VSTM4: variants seen among roughly 807,000 people sequenced by gnomAD.
VSTM4 encodes the protein V-set and transmembrane domain containing 4, also known as V-set and transmembrane domain-containing protein 4.
A neutral mutation model predicts 36.4 loss-of-function variants in VSTM4; 20 were observed. The ratio of observed to expected loss-of-function variants is 0.55; its 90% CI spans 0.39 to 0.80. The LOEUF (loss-of-function observed/expected upper bound fraction) is 0.80, where lower values mean the gene tolerates loss of function less well. Ranked by LOEUF, VSTM4 falls within the 30% of genes least tolerant of loss-of-function variation. The pLI is 0.00. For missense variants in VSTM4, 392 were observed against 404.5 expected, an observed-to-expected ratio of 0.97 and a Z score of 0.26; for synonymous variants, 182 against 173.9, an observed-to-expected ratio of 1.05 and a Z score of -0.37.
At chr10:49,030,731 A>G (rs1207045498) in intron 7 of VSTM4, among the ~76,000 whole-genome samples, 2 of 152,224 alleles carry the variant, frequency 1.3e-5, no homozygotes, top group African/African-American at 4.8e-5. Flanking sequence ...ACAGAAAGTC[A>G]CCACCTAACT....
At chr10:49,053,775 T>C (rs1843734022) in intron 5 of VSTM4, among the ~76,000 whole-genome samples, 1 of 152,150 alleles carries the variant, frequency 6.6e-6, no homozygotes, top group African/African-American at 2.4e-5. Flanking sequence ...CCCAGGATAT[T>C]ACAGCATGAC....
chr10:49,015,610 C>T lies in VSTM4; in HGVS notation c.*4040G>A, dbSNP rs991042807. On this transcript the variant is annotated 3_prime_UTR_variant, in exon 8 of 8. Transcript: ENST00000332853. ...TTCCTTCCTGATGAACAGTTTCTAT[C>T]CTATGTATGGAGATGGGAGTGTGGT... 6 of 152,208 alleles carry T rather than the reference C, an allele frequency of 3.9e-5. No homozygotes were observed. Among genetic ancestry groups the T allele is most frequent in the Admixed American group, 3.3e-4 (5 of 15,282 alleles). The allele number at this position is 152,208 out of a possible 1,614,324, so 9.4% of individuals were successfully genotyped here.
intron 7 of VSTM4, among the ~76,000 whole-genome samples, chr10:49,025,045 G>A (rs990043699): frequency 1.3e-5 from 2 of 152,002 alleles, no homozygotes; most frequent in African/African-American, 4.8e-5. Flanking sequence ...CACACACAGA[G>A]TCAAGACCAC....
intron 5 of VSTM4, among the ~76,000 whole-genome samples, chr10:49,057,565 T>C (rs1046480897): frequency 1.3e-5 from 2 of 152,196 alleles, no homozygotes; most frequent in Non-Finnish European, 2.9e-5. Context: ...AGGTGCATAT[T>C]CTTTATGCCA....
intron 5 of VSTM4, among the ~76,000 whole-genome samples, chr10:49,051,367 T>A (rs970369787): frequency 1.3e-5 from 2 of 151,900 alleles, no homozygotes; most frequent in African/African-American, 4.8e-5. Flanking sequence ...CTCCGTGACT[T>A]CTCATGGCTT....
intron 7 of VSTM4, among the ~76,000 whole-genome samples, chr10:49,022,542 T>C (rs922278285): frequency 2.7e-4 from 41 of 152,124 alleles, no homozygotes; most frequent in Admixed American, 6.5e-5. Flanking sequence ...TGTCTAGCAA[T>C]TTTTCAATTT....
At chr10:49,021,590 G>A (rs1843182795) in intron 7 of VSTM4, among the ~76,000 whole-genome samples, 1 of 152,030 alleles carries the variant, frequency 6.6e-6, no homozygotes, top group Admixed American at 6.5e-5. Context: ...AAAAATGCAA[G>A]CATCTCGGAC....
chr10:49,014,406 G>A lies in VSTM4; in HGVS notation c.*5244C>T, dbSNP rs1393150609. The A allele has an allele frequency of 6.6e-6, 1 of 152,108 alleles. No homozygotes were observed. The highest frequency in any genetic ancestry group is 2.4e-5 in the African/African-American group (1 of 41,412). 9.4% of individuals were successfully genotyped at this position (152,108 alleles called of 1,614,324 possible). A position where few individuals can be genotyped will look rare whatever the true frequency, so the allele number is the denominator to read the frequency against. ...ATAGCATTGTGTTTATTAGAAATTG[G>A]GCACCAAGTCGTCTTTCACCAGTGA... On this transcript the variant is annotated 3_prime_UTR_variant, in exon 8 of 8. Coordinates refer to ENST00000332853, the MANE Select transcript of VSTM4 (RefSeq NM_001031746.5).
intron 5 of VSTM4, among the ~76,000 whole-genome samples, chr10:49,061,475 G>A (rs78319468): frequency 6.6e-5 from 10 of 152,212 alleles, no homozygotes; most frequent in Non-Finnish European, 1.3e-4. Context: ...TAGATGAGGG[G>A]GAGGAATTGA....
chr10:49,096,622 C>CATGTGT (rs745342298), intron 2 of VSTM4, among the ~76,000 whole-genome samples: 1 of 122,578 alleles, frequency 8.2e-6, no homozygotes, highest in African/African-American at 3.5e-5. Flanking sequence ...CATTGAAGAC[C>CATGTGT]GTGTGTGTGT....
chr10:49,056,847 T>A (rs901086381), intron 5 of VSTM4, among the ~76,000 whole-genome samples: 4 of 152,196 alleles, frequency 2.6e-5, no homozygotes, highest in Admixed American at 1.3e-4. Context: ...TGAGACTGGG[T>A]AATTTATCAA....
chr10:49,104,627 C>T (rs1215726473), intron 2 of VSTM4, among the ~76,000 whole-genome samples: 2 of 152,224 alleles, frequency 1.3e-5, no homozygotes, highest in Non-Finnish European at 2.9e-5. Context: ...TTGAATCTTT[C>T]CATCAGCAAA....
chr10:49,074,040 G>A (rs569521318), intron 4 of VSTM4, among the ~76,000 whole-genome samples: 9 of 152,184 alleles, frequency 5.9e-5, no homozygotes, highest in Non-Finnish European at 1.0e-4. Flanking sequence ...GCCCATCTGT[G>A]TCTGTCTATG....
intron 5 of VSTM4, among the ~76,000 whole-genome samples, chr10:49,062,639 C>G (rs1256838075): frequency 6.6e-6 from 1 of 152,102 alleles, no homozygotes; most frequent in Non-Finnish European, 1.5e-5. Context: ...AGGGCTTTGT[C>G]TTTTGCCAAA....
intron 7 of VSTM4, among the ~76,000 whole-genome samples, chr10:49,042,807 A>C (rs1426824173): frequency 1.3e-5 from 2 of 152,228 alleles, no homozygotes; most frequent in Non-Finnish European, 2.9e-5. Flanking sequence ...GCCTGGTAGA[A>C]GAGATGGATG....
intron 5 of VSTM4, among the ~76,000 whole-genome samples, chr10:49,060,457 A>T (rs770871283): frequency 5.9e-5 from 9 of 152,210 alleles, no homozygotes; most frequent in Non-Finnish European, 1.0e-4. Context: ...AGGTAATGAC[A>T]CTGAACATCT....
Position 49,019,380 on chromosome 10 carries a change from C to T in VSTM4, c.*270G>A, listed in dbSNP as rs1843146021. 4 of 296,830 alleles carry T rather than the reference C, an allele frequency of 1.3e-5. No homozygotes were observed. In the East Asian group the frequency reaches 1.7e-4, roughly 13 times the overall value. 18.4% of individuals were successfully genotyped at this position (296,830 alleles called of 1,614,324 possible). On this transcript the variant is annotated 3_prime_UTR_variant, in exon 8 of 8. Transcript: ENST00000332853. Reference sequence around the variant, plus strand: ...AGGGGTTTGGCTCAGCAGAAAATCTCCTTGGCTGCTCTCAGGATCAGAATC... The same window carrying T: ...AGGGGTTTGGCTCAGCAGAAAATCTTCTTGGCTGCTCTCAGGATCAGAATC...
intron 1 of VSTM4, among the ~76,000 whole-genome samples, chr10:49,114,146 C>T (rs1330560118): frequency 2.6e-5 from 4 of 152,064 alleles, no homozygotes; most frequent in Non-Finnish European, 4.4e-5. Context: ...TTTTTCCAGC[C>T]GAGACAGTGA....
At chr10:49,112,926 A>G (rs1205113853) in intron 1 of VSTM4, among the ~76,000 whole-genome samples, 5 of 152,226 alleles carry the variant, frequency 3.3e-5, no homozygotes, top group African/African-American at 1.2e-4. Context: ...GTTGTAGCTG[A>G]ATAGAACAAC....
Sources: gnomAD v4.1 joint callset for allele counts (sites outside exome capture counted in the v4.1 genomes callset) on GRCh38, gnomAD v4.1.1 for gene constraint, MANE v1.5 for transcripts, NCBI Gene and HGNC (gene_info 2026-07-23, HGNC 2026-07-21) for gene names.